The following STON1 variants were observed in gnomAD, a reference collection of about 807,000 sequenced individuals.
STON1 encodes the protein stonin 1, also known as stonin-1.
Under a neutral mutation model 60.9 loss-of-function variants are expected in STON1, and 79 were observed. The observed-to-expected ratio is 1.30, with a 90% CI of 1.08 to 1.56. STON1 has a LOEUF of 1.56. Among genes scored for constraint, STON1 ranks in the 40% most tolerant of loss-of-function variants. The pLI, the probability that STON1 is intolerant of heterozygous loss-of-function variation, is 0.00. For missense variants in STON1, 1,166 were observed against 858.9 expected, an observed-to-expected ratio of 1.36 and a Z score of -4.47; for synonymous variants, 363 against 306.9, an observed-to-expected ratio of 1.18 and a Z score of -1.91.
At chr2:48,567,219 A>G (rs1421597005) in intron 1 of STON1, among the ~76,000 whole-genome samples, 3 of 152,234 alleles carry the variant, frequency 2.0e-5, no homozygotes, top group African/African-American at 7.2e-5. Flanking sequence ...GCGATTAAGC[A>G]TTATGAGCTG....
chr2:48,543,307 T>G (rs1671734495), intron 1 of STON1, among the ~76,000 whole-genome samples: 1 of 151,954 alleles, frequency 6.6e-6, no homozygotes, highest in Admixed American at 6.6e-5. Context: ...CAATTTAGAT[T>G]TATTTTGGGC....
At chr2:48,549,833 AG>A in intron 1 of STON1, among the ~76,000 whole-genome samples, 2 of 142,710 alleles carry the variant, frequency 1.4e-5, no homozygotes, top group South Asian at 4.6e-4. Context: ...AAAAAAAAAA[AG>A]AGAAAAGAAA....
In STON1 at chr2:48,595,364, C is replaced by T; in HGVS notation, c.*62C>T. ...AATATGTAATTCACCGAAACCACAC[C>T]AAGTCCTGCTACTGTAGAGTGGAAA... On this transcript the variant is annotated 3_prime_UTR_variant, in exon 4 of 4. Transcript: ENST00000404752. The T allele has an allele frequency of 7.1e-7, 1 of 1,414,182 alleles. No individual in the cohort carries two copies. 87.6% of individuals were successfully genotyped at this position (1,414,182 alleles called of 1,614,324 possible). A position where few individuals can be genotyped will look rare whatever the true frequency, so the allele number is the denominator to read the frequency against.
intron 1 of STON1, among the ~76,000 whole-genome samples, chr2:48,565,190 C>G (rs1277713511): frequency 1.4e-5 from 2 of 148,044 alleles, no homozygotes; most frequent in Non-Finnish European, 3.0e-5. Flanking sequence ...GTGGCTGGGA[C>G]TACAGGCGCC....
chr2:48,581,114 G>T lies in STON1; in HGVS notation c.481G>T (p.Glu161Ter). The change falls in exon 2 of 4, where the codon GAA becomes TAA. Residue 161 changes from glutamate to a stop codon, truncating the protein, a stop_gained. Transcript: ENST00000404752. LOFTEE classifies it high-confidence loss of function. ...AGATGAAGTTAATCCTCAACAGGCT[G>T]AAAGCCTAGGATTCCAAAGTGATGA... ...LPDEVNPQQA[E>*]SLGFQSDDLP... is the part of the protein sequence containing the mutation. 6.3e-7 allele frequency: 1 copy of T among 1,598,912 alleles called. No homozygotes were observed. Among genetic ancestry groups the T allele is most frequent in the Non-Finnish European group, 8.5e-7 (1 of 1,174,460 alleles).
At chr2:48,566,299 C>A (rs1233601717) in intron 1 of STON1, among the ~76,000 whole-genome samples, 1 of 152,180 alleles carries the variant, frequency 6.6e-6, no homozygotes, top group Non-Finnish European at 1.5e-5. Flanking sequence ...CCTCAGCTTC[C>A]CAAGTAGCTG....
At chr2:48,561,010 G>C (rs1041276018) in intron 1 of STON1, among the ~76,000 whole-genome samples, 2 of 152,218 alleles carry the variant, frequency 1.3e-5, no homozygotes, top group Non-Finnish European at 2.9e-5. Context: ...CTTTTTGTGT[G>C]TGTCTTACTT....
At chr2:48,557,263 C>T (rs1192491363) in intron 1 of STON1, among the ~76,000 whole-genome samples, 5 of 66,892 alleles carry the variant, frequency 7.5e-5, no homozygotes, top group Non-Finnish European at 1.5e-4. Context: ...TCAGACGGGG[C>T]GGCCGGGCAG....
rs543260539 is a variant in STON1, at chr2:48,568,980, C to G, written c.-47-11607C>G. 2.0e-5 allele frequency: 3 copies of G among 152,570 alleles called. No individual in the cohort carries two copies. The South Asian group carries it at 6.2e-4, about 32-fold the overall frequency. 9.5% of individuals were successfully genotyped at this position (152,570 alleles called of 1,614,324 possible). ...AGTGCAGAAAAGGCAGGACCCCTGA[C>G]ACCAGCAAGGCATTGGATCTCTCTG... is the stretch of plus-strand genomic sequence containing the variant. On this transcript the variant is annotated intron_variant, in intron 1 of 3. Transcript: ENST00000404752.
At chr2:48,572,386 A>G (rs539947017) in intron 1 of STON1, among the ~76,000 whole-genome samples, 9 of 152,256 alleles carry the variant, frequency 5.9e-5, no homozygotes, top group South Asian at 2.1e-4. Context: ...AGTGCCTCCT[A>G]TGGAAGAGTC....
At chr2:48,548,094 C>T (rs1671935283) in intron 1 of STON1, among the ~76,000 whole-genome samples, 3 of 152,224 alleles carry the variant, frequency 2.0e-5, no homozygotes, top group African/African-American at 7.2e-5. Context: ...CTTTGAATGT[C>T]CCCCTTAAAG....
chr2:48,552,420 T>C (rs1672142494), intron 1 of STON1, among the ~76,000 whole-genome samples: 1 of 152,112 alleles, frequency 6.6e-6, no homozygotes, highest in Admixed American at 6.6e-5. Flanking sequence ...TAGAGGTGGA[T>C]AGTGGTGATG....
At chr2:48,570,488 C>G (rs1412309968) in intron 1 of STON1, among the ~76,000 whole-genome samples, 3 of 152,134 alleles carry the variant, frequency 2.0e-5, no homozygotes, top group African/African-American at 7.2e-5. Context: ...TTAGTTAGTT[C>G]AGGGCTTCCC....
In STON1 at chr2:48,595,239, A is replaced by T. The variant is rs1674732221; in HGVS notation, c.2145A>T (p.Glu715Asp). 1 of 1,613,716 alleles carries T rather than the reference A, an allele frequency of 6.2e-7. No homozygotes were observed. Among genetic ancestry groups the T allele is most frequent in the Non-Finnish European group, 8.5e-7 (1 of 1,179,764 alleles). ...CTTTTGCATAACAGGTTGAAATAGAAAAGAAGTGGATTAAAATCGATGGAG... is the reference window on the plus strand; with the variant it reads ...CTTTTGCATAACAGGTTGAAATAGATAAGAAGTGGATTAAAATCGATGGAG... ...RACYNIQVEI[E>D]KKWIKIDGED... The change falls in exon 4 of 4, where the codon GAA becomes GAT. Residue 715 changes from glutamate to aspartate, a missense_variant. Transcript: ENST00000404752.
chr2:48,575,648 C>T (rs1036454497), intron 1 of STON1, among the ~76,000 whole-genome samples: 7 of 138,822 alleles, frequency 5.0e-5, no homozygotes, highest in African/African-American at 1.1e-4. Flanking sequence ...AGCAAAACTC[C>T]GTCTCAAAAA....
intron 1 of STON1, among the ~76,000 whole-genome samples, chr2:48,572,505 G>T (rs770048023): frequency 2.8e-4 from 43 of 152,060 alleles, no homozygotes; most frequent in Non-Finnish European, 1.2e-4. Flanking sequence ...AAAAATTCAG[G>T]GCTGCTTACA....
At chr2:48,530,264 C>A (rs896442224) in intron 1 of STON1, 48 bp downstream of exon 1, 12 of 352,260 alleles carry the variant, frequency 3.4e-5, no homozygotes, top group Non-Finnish European at 6.6e-5. Flanking sequence ...TGGGACCCCC[C>A]CTCTCCAGGG....
At chr2:48,576,765 C>G (rs933913341) in intron 1 of STON1, among the ~76,000 whole-genome samples, 1 of 152,010 alleles carries the variant, frequency 6.6e-6, no homozygotes, top group Non-Finnish European at 1.5e-5. Flanking sequence ...ATAAGAAATA[C>G]CGTTTGCAGG....
chr2:48,595,447 A>T lies in STON1; in HGVS notation c.*145A>T. On this transcript the variant is annotated 3_prime_UTR_variant, in exon 4 of 4. Transcript: ENST00000404752. ...GATGGCTGTGTTTAGAGAAGTTTAG[A>T]CCTAAAACCGAACAATCTGTATTTT... is the stretch of plus-strand genomic sequence containing the variant. The T allele has an allele frequency of 1.5e-6, 1 of 647,818 alleles. No homozygotes were observed. The highest frequency in any genetic ancestry group is 2.1e-5 in the South Asian group (1 of 46,662). The allele number at this position is 647,818 out of a possible 1,614,324, so 40.1% of individuals were successfully genotyped here. A position where few individuals can be genotyped will look rare whatever the true frequency, so the allele number is the denominator to read the frequency against.
Sources: allele counts gnomAD v4.1 joint callset (sites outside exome capture counted in the v4.1 genomes callset), GRCh38; gene constraint gnomAD v4.1.1; transcripts MANE v1.5; gene names NCBI Gene and HGNC (gene_info 2026-07-23, HGNC 2026-07-21).